SH2D4A: variants seen among roughly 807,000 people sequenced by gnomAD.
The protein encoded by SH2D4A is SH2 domain containing 4A.
In SH2D4A, 70 loss-of-function variants were observed where a neutral mutation model predicts 64.7. The observed-to-expected ratio is 1.08, with a 90% CI of 0.89 to 1.32. The LOEUF (loss-of-function observed/expected upper bound fraction) is 1.32. Among genes scored for constraint, SH2D4A ranks in the 40% most tolerant of loss-of-function variants. The probability of loss-of-function intolerance (pLI) is 0.00; values close to 1 mark genes in which losing one functional copy is unlikely to be tolerated. For synonymous variants in SH2D4A, 268 were observed against 200.7 expected (o/e 1.34, Z -2.83); for missense variants, 706 against 540.1 (o/e 1.31, Z -3.04).
At chr8:19,340,218 G>A (rs1027154045) in intron 4 of SH2D4A, among the ~76,000 whole-genome samples, 2 of 152,176 alleles carry the variant, frequency 1.3e-5, no homozygotes, top group Non-Finnish European at 2.9e-5. Flanking sequence ...TGCAGAAGCA[G>A]GGAAAGCATT....
rs779910433 is a variant in SH2D4A at position 19,334,874 on chromosome 8, T to C, written c.513+17T>C. On this transcript the variant is annotated intron_variant, in intron 4 of 9. Coordinates refer to ENST00000265807, the MANE Select transcript of SH2D4A (RefSeq NM_022071.4). ...AAAATCCGAGTGAGTCCTTACTGTC[T>C]GTAGACGTGCGGAATTTCATCATGG... 3 of 1,582,356 alleles carry C rather than the reference T, an allele frequency of 1.9e-6. No individual in the cohort carries two copies. Among genetic ancestry groups the C allele is most frequent in the Middle Eastern group, 1.7e-4 (1 of 5,830 alleles).
At chr8:19,392,071 A>G (rs1244739293) in intron 8 of SH2D4A, among the ~76,000 whole-genome samples, 1 of 152,082 alleles carries the variant, frequency 6.6e-6, no homozygotes, top group Non-Finnish European at 1.5e-5. Flanking sequence ...TTATCTATTC[A>G]TTGATGGATT....
chr8:19,351,091 C>A (rs2052696917), intron 4 of SH2D4A, among the ~76,000 whole-genome samples: 1 of 152,098 alleles, frequency 6.6e-6, no homozygotes, highest in Non-Finnish European at 1.5e-5. Context: ...AAGCAGAGTT[C>A]CATTATTCTG....
At chr8:19,376,134 A>C (rs2053192002) in intron 8 of SH2D4A, among the ~76,000 whole-genome samples, 1 of 152,098 alleles carries the variant, frequency 6.6e-6, no homozygotes, top group Non-Finnish European at 1.5e-5. Context: ...GTAAGTCCCA[A>C]ATCTGACAAG....
chr8:19,335,310 C>G (rs1409837085), intron 4 of SH2D4A, among the ~76,000 whole-genome samples: 1 of 151,896 alleles, frequency 6.6e-6, no homozygotes, highest in Non-Finnish European at 1.5e-5. Flanking sequence ...AAAAAAAGAT[C>G]CTCTTGCTCA....
chr8:19,370,672 T>C (rs968399955), intron 7 of SH2D4A, among the ~76,000 whole-genome samples: 1 of 152,132 alleles, frequency 6.6e-6, no homozygotes, highest in Non-Finnish European at 1.5e-5. Context: ...AATTTGGTAT[T>C]GTTTCATTTT....
chr8:19,315,285 G>T (rs1046314076), intron 1 of SH2D4A, among the ~76,000 whole-genome samples: 1 of 152,118 alleles, frequency 6.6e-6, no homozygotes, highest in Admixed American at 6.5e-5. Context: ...ATAGGTGCGG[G>T]CCACCACGCC....
chr8:19,345,156 G>C (rs1251324509), intron 4 of SH2D4A, among the ~76,000 whole-genome samples: 1 of 152,168 alleles, frequency 6.6e-6, no homozygotes, highest in Non-Finnish European at 1.5e-5. Flanking sequence ...TTCCTATGCT[G>C]CCCCTGGGAC....
intron 2 of SH2D4A, among the ~76,000 whole-genome samples, chr8:19,320,649 C>T (rs1396263831): frequency 3.9e-5 from 5 of 127,560 alleles, no homozygotes; most frequent in Non-Finnish European, 8.3e-5. Context: ...AAAAAAAAGA[C>T]TTAAAGCATA....
chr8:19,394,701 A>C lies in SH2D4A; in HGVS notation c.*59A>C, dbSNP rs138627289. ...GCGGGCTTTCCCCTGGACAAATGCC[A>C]CTGCAACATTTATGTGTGAAGCCAA... On this transcript the variant is annotated 3_prime_UTR_variant, in exon 10 of 10. Transcript: ENST00000265807. 1,282 of 1,365,476 alleles carry C rather than the reference A, an allele frequency of 9.4e-4. 5 individuals carry two copies. The highest frequency in any genetic ancestry group is 1.6e-3 in the Middle Eastern group (8 of 4,898). 84.6% of individuals were successfully genotyped at this position (1,365,476 alleles called of 1,614,324 possible).
chr8:19,372,367 T>C (rs1205562311), intron 7 of SH2D4A, among the ~76,000 whole-genome samples: 5 of 152,144 alleles, frequency 3.3e-5, no homozygotes, highest in Non-Finnish European at 1.5e-5. Context: ...GTACAGGGGC[T>C]GTGTGGGAAA....
At chr8:19,358,932 C>T (rs1383176297) in intron 5 of SH2D4A, among the ~76,000 whole-genome samples, 3 of 152,198 alleles carry the variant, frequency 2.0e-5, no homozygotes, top group Non-Finnish European at 4.4e-5. Context: ...GGATTAGCAT[C>T]CAGCCTCGGC....
In SH2D4A at chr8:19,374,520, ATC is replaced by A. The variant is rs2053161613; in HGVS notation, c.1048+863_1048+864del. 5.9e-5 allele frequency among the ~76,000 whole-genome samples: 9 copies of A among 152,350 alleles called. No homozygotes were observed. The South Asian group carries it at 1.9e-3, about 32-fold the overall frequency. On this transcript the variant is annotated intron_variant, in intron 8 of 9. Transcript: ENST00000265807. ...AGGCATCTTTCCTCAAAGTAGTATC[ATC>A]TCACACAGAAATATACCCACAAAAA...
rs1326536096 is a variant in SH2D4A, at chr8:19,351,419, C to T, written c.514-5784C>T. Reference sequence around the variant, plus strand: ...GAGATGGAGACCATCCTGGCTAACACGGTGAAACCCCGTCTCTATTAAAAA... The same window carrying T: ...GAGATGGAGACCATCCTGGCTAACATGGTGAAACCCCGTCTCTATTAAAAA... On this transcript the variant is annotated intron_variant, in intron 4 of 9. Coordinates refer to ENST00000265807, the MANE Select transcript of SH2D4A (RefSeq NM_022071.4). Among the ~76,000 whole-genome samples, 15 of 152,014 alleles carry T rather than the reference C, an allele frequency of 9.9e-5. No individual in the cohort carries two copies. In the East Asian group the frequency reaches 2.7e-3, roughly 28 times the overall value.
chr8:19,332,906 T>C, intron 2 of SH2D4A, 49 bp from the exon 3 acceptor site: 2 of 1,581,582 alleles, frequency 1.3e-6, no homozygotes, highest in South Asian at 2.3e-5. Flanking sequence ...AATCTGTGAC[T>C]AAAGATATTT....
intron 8 of SH2D4A, among the ~76,000 whole-genome samples, chr8:19,384,722 G>C (rs994668737): frequency 2.0e-5 from 3 of 151,994 alleles, no homozygotes. Context: ...CCACTAACAT[G>C]CTTTTAAAGT....
intron 2 of SH2D4A, among the ~76,000 whole-genome samples, chr8:19,325,561 C>G (rs576940342): frequency 2.0e-5 from 3 of 152,268 alleles, no homozygotes; most frequent in African/African-American, 7.2e-5. Context: ...TGGCGAACAT[C>G]TTTTTTGGGT....
chr8:19,377,532 T>C (rs2053216126), intron 8 of SH2D4A, among the ~76,000 whole-genome samples: 1 of 152,214 alleles, frequency 6.6e-6, no homozygotes, highest in Non-Finnish European at 1.5e-5. Context: ...GTAATAAAAA[T>C]ATACAGTATT....
chr8:19,341,025 T>A (rs1446349958), intron 4 of SH2D4A, among the ~76,000 whole-genome samples: 1 of 152,210 alleles, frequency 6.6e-6, no homozygotes, highest in Non-Finnish European at 1.5e-5. Flanking sequence ...GAAACAAATG[T>A]TCAAAGAGAT....
Sources: allele counts gnomAD v4.1 joint callset (sites outside exome capture counted in the v4.1 genomes callset), GRCh38; gene constraint gnomAD v4.1.1; transcripts MANE v1.5; gene names NCBI Gene and HGNC (gene_info 2026-07-23, HGNC 2026-07-21).